ITGAV: variants seen among roughly 807,000 people sequenced by gnomAD.
ITGAV encodes integrin subunit alpha V.
ITGAV carries 76 observed loss-of-function variants against 143.8 expected under a neutral mutation model. The observed-to-expected ratio is 0.53, with a 90% CI of 0.44 to 0.64. The LOEUF is 0.64. Ranked by LOEUF, ITGAV falls within the 30% of genes least tolerant of loss-of-function variation. The probability of loss-of-function intolerance (pLI) is 0.00; values close to 1 mark genes in which losing one functional copy is unlikely to be tolerated. For synonymous variants in ITGAV, 453 were observed against 446.7 expected (o/e 1.01, Z -0.18); for missense variants, 1,193 against 1,274.7 (o/e 0.94, Z 0.98).
chr2:186,598,281 A>G (rs971630718), intron 1 of ITGAV, among the ~76,000 whole-genome samples: 10 of 124,612 alleles, frequency 8.0e-5, no homozygotes, highest in African/African-American at 2.8e-4. Flanking sequence ...ATAAATTTAC[A>G]TATTATAATT....
chr2:186,662,010 C>T (rs1688761398), intron 18 of ITGAV, among the ~76,000 whole-genome samples: 1 of 152,120 alleles, frequency 6.6e-6, no homozygotes, highest in South Asian at 2.1e-4. Context: ...TCTTTCCTGA[C>T]AGCATATTTT....
rs1688925029 is a variant in ITGAV at position 186,667,223 on chromosome 2, A to G, written c.2320A>G (p.Ile774Val). ...VDLAVLAAVE[I>V]RGVSSPDHVF... is the part of the protein sequence containing the mutation. ...TCTTGCTGTTTTAGCTGCAGTTGAG[A>G]TAAGAGGGTCAGTATGAATACTTAG... The change falls in exon 23 of 30, where the codon ATA (isoleucine) becomes GTA (valine). Residue 774 changes from isoleucine to valine, a missense_variant. By Grantham distance (29) the Ile-to-Val change is conservative. Transcript: ENST00000261023. The G allele has an allele frequency of 6.2e-7, 1 of 1,607,676 alleles. No homozygotes were observed. The highest frequency in any genetic ancestry group is 1.1e-5 in the South Asian group (1 of 90,804).
At position 186,675,667 on chromosome 2, in the gene ITGAV, A is replaced by C; in HGVS notation, c.2770A>C (p.Ser924Arg). The stretch of plus-strand genomic sequence containing the variant: ...AGTTGGGAGATTAGACAGAGGAAAG[A>C]GTGCAATCTTGTACGTAAAGTCATT... Reference protein sequence around the residue: ...CQVGRLDRGKSAILYVKSLLW... With the variant: ...CQVGRLDRGKRAILYVKSLLW... The change falls in exon 27 of 30, where the codon AGT (serine) becomes CGT (arginine). Residue 924 changes from serine to arginine, a missense_variant. Physicochemically the swap from Ser to Arg is moderately radical, Grantham distance 110. Transcript: ENST00000261023. 6.2e-7 allele frequency: 1 copy of C among 1,614,108 alleles called. No homozygotes were observed. The highest frequency in any genetic ancestry group is 1.1e-5 in the South Asian group (1 of 91,086).
At position 186,622,450 on chromosome 2, in the gene ITGAV, A is replaced by G; in HGVS notation, c.408+20A>G. 1 of 1,475,988 alleles carries G rather than the reference A, an allele frequency of 6.8e-7. No homozygotes were observed. Among genetic ancestry groups the G allele is most frequent in the Non-Finnish European group, 9.5e-7 (1 of 1,054,916 alleles). 91.4% of individuals were successfully genotyped at this position (1,475,988 alleles called of 1,614,324 possible). A position where few individuals can be genotyped will look rare whatever the true frequency, so the allele number is the denominator to read the frequency against. On this transcript the variant is annotated intron_variant, in intron 3 of 29. Transcript: ENST00000261023. ...ATTTTGGTGAGTCTTCTGGATATTTACTTACAGGTGATTTTAGTCAGTTTA... is the reference window on the plus strand; with the variant it reads ...ATTTTGGTGAGTCTTCTGGATATTTGCTTACAGGTGATTTTAGTCAGTTTA...
chr2:186,659,234 T>G (rs1393642111), intron 18 of ITGAV, 59 bp downstream of exon 18: 2 of 1,177,916 alleles, frequency 1.7e-6, no homozygotes, highest in Non-Finnish European at 2.3e-6. Flanking sequence ...ACAATTCATA[T>G]TTTTAAATAT....
intron 2 of ITGAV, among the ~76,000 whole-genome samples, chr2:186,618,897 A>G (rs573247380): frequency 2.0e-5 from 3 of 152,288 alleles, no homozygotes; most frequent in Non-Finnish European, 2.9e-5. Flanking sequence ...CAATCCCACT[A>G]CTAGGCATTT....
intron 2 of ITGAV, among the ~76,000 whole-genome samples, chr2:186,619,113 A>T (rs1025830125): frequency 1.2e-4 from 9 of 77,818 alleles, no homozygotes; most frequent in Non-Finnish European, 2.2e-4. Context: ...AGTATATTTT[A>T]TATATATATA....
Position 186,608,843 on chromosome 2 carries a change from G to A in ITGAV, c.316+6692G>A, listed in dbSNP as rs537797005. Among the ~76,000 whole-genome samples, 5 of 152,184 alleles carry A rather than the reference G, an allele frequency of 3.3e-5. No homozygotes were observed. In the East Asian group the frequency reaches 9.6e-4, roughly 29 times the overall value. ...AACAAGAATTTATTGGAAGGATGTT[G>A]GTAACTTAACAGTTATCTGAAAAAA... On this transcript the variant is annotated intron_variant, in intron 2 of 29. Coordinates refer to ENST00000261023, the MANE Select transcript of ITGAV (RefSeq NM_002210.5).
intron 21 of ITGAV, 143 bp from the exon 22 acceptor site, chr2:186,666,561 T>A: frequency 2.3e-6 from 1 of 439,472 alleles, no homozygotes; most frequent in East Asian, 3.5e-5. Flanking sequence ...TGATAGAAAA[T>A]AAGATTTAGT....
chr2:186,678,900 G>T lies in ITGAV; in HGVS notation c.*1608G>T, dbSNP rs202067390. 1 of 375,596 alleles carries T rather than the reference G, an allele frequency of 2.7e-6. No individual in the cohort carries two copies. The highest frequency in any genetic ancestry group is 2.1e-5 in the African/African-American group (1 of 47,138). 23.3% of individuals were successfully genotyped at this position (375,596 alleles called of 1,614,324 possible). ...CCATATCTCATAATTTCATGCACAA[G>T]TTGACTGAGCTAATCTTGAGAATAT... is the stretch of plus-strand genomic sequence containing the variant. On this transcript the variant is annotated 3_prime_UTR_variant, in exon 30 of 30. Coordinates refer to ENST00000261023, the MANE Select transcript of ITGAV (RefSeq NM_002210.5).
At chr2:186,654,754 C>A in intron 16 of ITGAV, 46 bp downstream of exon 16, 1 of 755,152 alleles carries the variant, frequency 1.3e-6, no homozygotes, top group Non-Finnish European at 2.3e-6. Flanking sequence ...ATACTGCATA[C>A]ACAGCACTTA....
chr2:186,646,774 C>G lies in ITGAV; in HGVS notation c.1248C>G (p.Val416=). 6.2e-7 allele frequency: 1 copy of G among 1,613,206 alleles called. No homozygotes were observed. Among genetic ancestry groups the G allele is most frequent in the Non-Finnish European group, 8.5e-7 (1 of 1,179,452 alleles). The change falls in exon 13 of 30, where the codon GTC becomes GTG. Residue 416 remains valine, a synonymous_variant. Transcript: ENST00000261023. The part of the protein sequence containing the change: ...FNGRSTGLNA[V]PSQILEGQWA... ...GAAGATCAACAGGCTTGAACGCAGT[C>G]CCATCTCAAATCCTTGAAGGGCAGT...
At position 186,590,189 on chromosome 2, in the gene ITGAV, C is replaced by G. The variant is rs991399623; in HGVS notation, c.-150C>G. 1.3e-5 allele frequency: 8 copies of G among 600,754 alleles called. No individual in the cohort carries two copies. In the African/African-American group the frequency reaches 1.6e-4, roughly 12 times the overall value. 37.2% of individuals were successfully genotyped at this position (600,754 alleles called of 1,614,324 possible). A position where few individuals can be genotyped will look rare whatever the true frequency, so the allele number is the denominator to read the frequency against. On this transcript the variant is annotated 5_prime_UTR_variant, in exon 1 of 30. Coordinates refer to ENST00000261023, the MANE Select transcript of ITGAV (RefSeq NM_002210.5). ...TCGCTCCGAAGCTCAGCCCTCTTGCCTGCCCCGGAGCTGTCCCGGGCTAGC... is the reference window on the plus strand; with the variant it reads ...TCGCTCCGAAGCTCAGCCCTCTTGCGTGCCCCGGAGCTGTCCCGGGCTAGC...
intron 16 of ITGAV, among the ~76,000 whole-genome samples, chr2:186,656,028 A>T (rs1194212421): frequency 6.6e-6 from 1 of 152,148 alleles, no homozygotes; most frequent in Non-Finnish European, 1.5e-5. Flanking sequence ...TATTTATGAC[A>T]TTACTTTAGG....
Position 186,641,501 on chromosome 2 carries a change from A to T in ITGAV, c.1072A>T (p.Thr358Ser). The change falls in exon 12 of 30, where the codon ACG becomes TCG. Residue 358 changes from threonine (T) to serine (S), a missense_variant. Thr to Ser is a moderately conservative substitution (Grantham distance 58). Transcript: ENST00000261023. ...ACAGAGAGCTTCAGGAGACTTCCAG[A>T]CGACAAAGCTGAATGGATTTGAGGT... ...SLQRASGDFQ[T>S]TKLNGFEVFA... 6.2e-7 allele frequency: 1 copy of T among 1,614,214 alleles called. No individual in the cohort carries two copies. Among genetic ancestry groups the T allele is most frequent in the Non-Finnish European group, 8.5e-7 (1 of 1,180,034 alleles).
intron 19 of ITGAV, 149 bp from the exon 20 acceptor site, chr2:186,664,345 T>C: frequency 1.4e-6 from 1 of 707,288 alleles, no homozygotes; most frequent in South Asian, 2.3e-5. Context: ...ATTTTCTGTT[T>C]TCTATCAAGC....
At chr2:186,647,214 A>G (rs1688288192) in intron 13 of ITGAV, among the ~76,000 whole-genome samples, 1 of 151,062 alleles carries the variant, frequency 6.6e-6, no homozygotes, top group African/African-American at 2.4e-5. Flanking sequence ...TATGTAGAAT[A>G]TATGTACTTG....
chr2:186,616,784 T>C (rs1687376854), intron 2 of ITGAV, among the ~76,000 whole-genome samples: 1 of 152,112 alleles, frequency 6.6e-6, no homozygotes, highest in African/African-American at 2.4e-5. Context: ...CATATAGACA[T>C]AGGAGGTACC....
intron 8 of ITGAV, 38 bp downstream of exon 8, chr2:186,637,147 A>G (rs765903702): frequency 6.5e-7 from 1 of 1,532,070 alleles, no homozygotes; most frequent in South Asian, 1.1e-5. Context: ...CTTTAAAAAA[A>G]TTAGATTAAG....
Sources: gnomAD v4.1 joint callset for allele counts (sites outside exome capture counted in the v4.1 genomes callset) on GRCh38, gnomAD v4.1.1 for gene constraint, MANE v1.5 for transcripts, NCBI Gene and HGNC (gene_info 2026-07-23, HGNC 2026-07-21) for gene names.